The following ANKRD17 variants were observed in gnomAD, a reference collection of about 807,000 sequenced individuals.
ANKRD17 encodes the protein ankyrin repeat domain 17.
A neutral mutation model predicts 229.7 loss-of-function variants in ANKRD17; 19 were observed. The observed-to-expected ratio is 0.08, with a 90% CI of 0.06 to 0.12. ANKRD17 has a LOEUF of 0.12. ANKRD17 is among the 10% of genes least tolerant of loss of function. The pLI is 1.00. For missense variants in ANKRD17, 2,176 were observed against 3,176.8 expected (o/e 0.68, Z 7.57); for synonymous variants, 1,112 against 1,146.1 (o/e 0.97, Z 0.60).
intron 22 of ANKRD17, 79 bp downstream of exon 22, chr4:73,118,609 T>G: frequency 6.7e-7 from 1 of 1,496,928 alleles, no homozygotes; most frequent in Non-Finnish European, 9.2e-7. Context: ...ACAAAATGAG[T>G]CTTTAGTGAT....
chr4:73,176,073 T>C (rs1238620575), intron 2 of ANKRD17, among the ~76,000 whole-genome samples: 3 of 150,834 alleles, frequency 2.0e-5, no homozygotes, highest in Non-Finnish European at 2.9e-5. Context: ...AATGAATTGA[T>C]AACCAGAATA....
At chr4:73,110,139 G>A (rs1237129540) in intron 24 of ANKRD17, among the ~76,000 whole-genome samples, 1 of 151,164 alleles carries the variant, frequency 6.6e-6, no homozygotes, top group Non-Finnish European at 1.5e-5. Context: ...AAAAATGTAA[G>A]TTTAAAATAT....
rs1034080054 is a variant in ANKRD17 at position 73,147,297 on chromosome 4, A to G, written c.1703T>C (p.Leu568Ser). ...ADIELGCSTP[L>S]MEAAQEGHLE... The stretch of plus-strand genomic sequence containing the variant: ...ATGACCCTCTTGAGCAGCTTCCATT[A>G]AAGGGGTAGAACACCCTAGTTCTAT... The change falls in exon 9 of 34, where the codon TTA (leucine) becomes TCA (serine). Residue 568 changes from leucine (L) to serine (S), a missense_variant. Transcript: ENST00000358602. 11 of 1,603,106 alleles carry G rather than the reference A, an allele frequency of 6.9e-6. No homozygotes were observed. Among genetic ancestry groups the G allele is most frequent in the Non-Finnish European group, 8.5e-6 (10 of 1,175,194 alleles).
intron 1 of ANKRD17, among the ~76,000 whole-genome samples, chr4:73,240,284 C>G (rs1045404659): frequency 6.6e-5 from 10 of 151,854 alleles, no homozygotes; most frequent in African/African-American, 2.2e-4. Flanking sequence ...AAATGTCAAG[C>G]CTGTTTAGAG....
intron 24 of ANKRD17, chr4:73,112,766 T>C: frequency 1.3e-6 from 1 of 777,770 alleles, no homozygotes; most frequent in Non-Finnish European, 1.6e-6. Context: ...TTAAATTTTA[T>C]AGCATTTTGA....
At chr4:73,101,009 T>A (rs1195920784) in intron 25 of ANKRD17, 16 of 971,406 alleles carry the variant, frequency 1.6e-5, no homozygotes, top group Non-Finnish European at 1.8e-5. Flanking sequence ...AAATACAGTA[T>A]AACAACTATT....
In ANKRD17 at chr4:73,142,280, C is replaced by T; in HGVS notation, c.2191G>A (p.Val731Ile). Residue 731 changes from valine (V) to isoleucine (I), a missense_variant, in exon 13 of 34, where the codon GTC becomes ATC. Val to Ile is a conservative substitution (Grantham distance 29, BLOSUM62 3). Coordinates refer to ENST00000358602, the MANE Select transcript of ANKRD17 (RefSeq NM_032217.5). ...TGGGATGGGGGAGTTAACTGAGTGA[C>T]ATCTGGTGGAGGGGCTGAAAGCAAG... ...NNLLSAPPPD[V>I]TQLTPPSHDL... is the part of the protein sequence containing the mutation. 1 of 1,556,074 alleles carries T rather than the reference C, an allele frequency of 6.4e-7. No homozygotes were observed. The highest frequency in any genetic ancestry group is 8.6e-7 in the Non-Finnish European group (1 of 1,164,026).
In ANKRD17 at chr4:73,179,466, A is replaced by G. The variant is rs7681695; in HGVS notation, c.394-1933T>C. On this transcript the variant is annotated intron_variant, in intron 1 of 33. Transcript: ENST00000358602. ...TATATATCTGTGTATATATGTATAT[A>G]TGTGTGTGTGTGTGTGTGTGTGTAT... 0.016 allele frequency among the ~76,000 whole-genome samples: 997 copies of G among 60,842 alleles called. 103 individuals carry two copies. The East Asian group carries it at 0.22, about 13-fold the overall frequency. The allele number at this position is 60,842 out of a possible 152,430, so 39.9% of individuals were successfully genotyped here.
Position 73,097,255 on chromosome 4 carries a change from C to G in ANKRD17, c.5039G>C (p.Ser1680Thr), listed in dbSNP as rs1305901535. The change falls in exon 27 of 34, where the codon AGT (serine) becomes ACT (threonine). Residue 1680 changes from serine to threonine, a missense_variant. Physicochemically the swap from Ser to Thr is moderately conservative, Grantham distance 58. Around this residue, in one of 18 missense-constraint regions of ANKRD17, gnomAD observed 98 missense variants for 101.0 expected, o/e 0.97. Coordinates refer to ENST00000358602, the MANE Select transcript of ANKRD17 (RefSeq NM_032217.5). ...KASIKLSETI[S>T]EGTSNSLSTC... ...AGATAGAGAATTACTGGTCCCTTCA[C>G]TGATAGTTTCTGACAATCTTTAACA... 6.3e-7 allele frequency: 1 copy of G among 1,578,446 alleles called. No individual in the cohort carries two copies. Among genetic ancestry groups the G allele is most frequent in the Admixed American group, 1.9e-5 (1 of 51,742 alleles).
At chr4:73,116,306 T>C (rs1004907224) in intron 22 of ANKRD17, among the ~76,000 whole-genome samples, 4 of 152,162 alleles carry the variant, frequency 2.6e-5, no homozygotes, top group African/African-American at 9.6e-5. Flanking sequence ...AGGGCAAAAA[T>C]AATAATTTTG....
intron 1 of ANKRD17, among the ~76,000 whole-genome samples, chr4:73,245,796 T>G (rs1465727097): frequency 6.6e-6 from 1 of 152,084 alleles, no homozygotes; most frequent in African/African-American, 2.4e-5. Flanking sequence ...GACCAGTAAA[T>G]AAGAGAATCA....
intron 30 of ANKRD17, among the ~76,000 whole-genome samples, chr4:73,083,431 A>C (rs1340582401): frequency 1.3e-5 from 2 of 152,184 alleles, no homozygotes; most frequent in Non-Finnish European, 2.9e-5. Context: ...TGGTTCAGCA[A>C]AACAGTAGAG....
At chr4:73,077,811 A>G (rs1032684102) in intron 31 of ANKRD17, among the ~76,000 whole-genome samples, 1 of 152,264 alleles carries the variant, frequency 6.6e-6, no homozygotes, top group Non-Finnish European at 1.5e-5. Context: ...ATATGATGAA[A>G]GGAAGAAAAG....
At chr4:73,241,093 G>C (rs1464891796) in intron 1 of ANKRD17, among the ~76,000 whole-genome samples, 1 of 151,954 alleles carries the variant, frequency 6.6e-6, no homozygotes, top group Non-Finnish European at 1.5e-5. Context: ...TTACAGATGT[G>C]AGCCACCGTG....
At chr4:73,117,281 A>G (rs1726090816) in intron 22 of ANKRD17, among the ~76,000 whole-genome samples, 2 of 152,184 alleles carry the variant, frequency 1.3e-5, no homozygotes, top group Non-Finnish European at 2.9e-5. Flanking sequence ...GGAACAAGGA[A>G]AAGACCAAGC....
At chr4:73,135,723 G>T (rs1192329030) in intron 15 of ANKRD17, among the ~76,000 whole-genome samples, 2 of 152,074 alleles carry the variant, frequency 1.3e-5, no homozygotes, top group Middle Eastern at 3.2e-3. Flanking sequence ...CGGGGAGGGA[G>T]AAATCTCACT....
At chr4:73,224,475 T>TTATATGAAGATTAAATGA (rs1302094195) in intron 1 of ANKRD17, among the ~76,000 whole-genome samples, 2 of 152,170 alleles carry the variant, frequency 1.3e-5, no homozygotes, top group African/African-American at 4.8e-5. Flanking sequence ...TCTTAACAGT[T>TTATATGAAGATTAAATGA]TATATGAAGA....
chr4:73,221,502 A>C (rs1741848812), intron 1 of ANKRD17, among the ~76,000 whole-genome samples: 1 of 152,176 alleles, frequency 6.6e-6, no homozygotes, highest in Non-Finnish European at 1.5e-5. Flanking sequence ...TCCAAAGCAC[A>C]CTTCTTTAAA....
At chr4:73,111,277 C>A (rs925509126) in intron 24 of ANKRD17, among the ~76,000 whole-genome samples, 3 of 152,106 alleles carry the variant, frequency 2.0e-5, no homozygotes, top group African/African-American at 4.8e-5. Context: ...ACTACTCTTG[C>A]ACTTTGGGGC....
Sources: allele counts gnomAD v4.1 joint callset (sites outside exome capture counted in the v4.1 genomes callset), GRCh38; gene constraint gnomAD v4.1.1; regional missense constraint gnomAD v4.1.1; transcripts MANE v1.5; gene names NCBI Gene and HGNC (gene_info 2026-07-23, HGNC 2026-07-21).